The following SCRG1 variants were observed in gnomAD, a reference collection of about 807,000 sequenced individuals.
SCRG1 encodes the protein scrapie-responsive protein 1.
A neutral mutation model predicts 7.7 loss-of-function variants in SCRG1; 3 were observed. The observed-to-expected ratio is 0.39, with a 90% CI of 0.18 to 1.01. The LOEUF is 1.01. Among genes scored for constraint, SCRG1 ranks in the 50% least tolerant of loss-of-function variants. SCRG1 has a pLI of 0.36. For synonymous variants in SCRG1, 46 were observed against 41.2 expected (o/e 1.12, Z -0.44); for missense variants, 110 against 117.2 (o/e 0.94, Z 0.28).
the SCRG1 span, among the ~76,000 whole-genome samples, chr4:173,476,479 G>A: frequency 8.6e-5 from 13 of 151,612 alleles, no homozygotes; most frequent in African/African-American, 2.2e-4. Context: ...TGTGCACTGA[G>A]TAGAGACAAC....
the SCRG1 span, among the ~76,000 whole-genome samples, chr4:173,484,949 A>AATATATTATC: frequency 1.9e-5 from 1 of 54,034 alleles, no homozygotes; most frequent in African/African-American, 7.3e-5. Flanking sequence ...TATATTATAT[A>AATATATTATC]TAATATTATA....
the SCRG1 span, among the ~76,000 whole-genome samples, chr4:173,429,797 T>G: frequency 3.3e-4 from 50 of 152,272 alleles, no homozygotes; most frequent in African/African-American, 9.9e-4. Context: ...GGACTCCATA[T>G]CCAAAGGAAT....
At chr4:173,398,223 T>A (rs1383960345) in intron 1 of SCRG1, 2 of 152,152 alleles carry the variant, frequency 1.3e-5, no homozygotes, top group Admixed American at 1.3e-4. Flanking sequence ...TGCTTAAAGA[T>A]CCTTAAAACA....
chr4:173,505,526 C>T, the SCRG1 span, among the ~76,000 whole-genome samples: 26 of 152,160 alleles, frequency 1.7e-4, no homozygotes, highest in Admixed American at 1.6e-3. The surrounding 1 kb of genome is among the most constrained non-coding windows in gnomAD (Gnocchi z 4.4). Context: ...AAGCTCTGTG[C>T]TGGGATTCTG....
chr4:173,513,857 G>A, the SCRG1 span, among the ~76,000 whole-genome samples: 1 of 152,218 alleles, frequency 6.6e-6, no homozygotes, highest in Non-Finnish European at 1.5e-5. Context: ...ATGAATCACA[G>A]TGGGTGAAGA....
the SCRG1 span, among the ~76,000 whole-genome samples, chr4:173,465,142 G>A: frequency 3.8e-4 from 58 of 152,208 alleles, no homozygotes; most frequent in South Asian, 0.012. Context: ...TGTTTGGTAA[G>A]GTGAAAACAC....
chr4:173,492,398 C>T, the SCRG1 span, among the ~76,000 whole-genome samples: 1 of 152,086 alleles, frequency 6.6e-6, no homozygotes, highest in Admixed American at 6.6e-5. Context: ...ACTCATTCCC[C>T]CACCCCAAAA....
chr4:173,428,822 A>T, the SCRG1 span, among the ~76,000 whole-genome samples: 1 of 152,236 alleles, frequency 6.6e-6, no homozygotes, highest in Non-Finnish European at 1.5e-5. Context: ...TAAAATTTTG[A>T]TAGAAATAGC....
the SCRG1 span, among the ~76,000 whole-genome samples, chr4:173,479,131 CA>C: frequency 6.6e-6 from 1 of 152,164 alleles, no homozygotes; most frequent in African/African-American, 2.4e-5. Context: ...TACACCGCTC[CA>C]ATTCTGAACT....
the SCRG1 span, among the ~76,000 whole-genome samples, chr4:173,450,918 G>T: frequency 6.6e-6 from 1 of 152,036 alleles, no homozygotes; most frequent in South Asian, 2.1e-4. Context: ...AGGGATACTT[G>T]GTGTCCAAGA....
chr4:173,424,818 A>T, the SCRG1 span, among the ~76,000 whole-genome samples: 2 of 152,012 alleles, frequency 1.3e-5, no homozygotes, highest in Admixed American at 6.6e-5. Context: ...CTGAGACAGG[A>T]TAATTACTTG....
the SCRG1 span, among the ~76,000 whole-genome samples, chr4:173,444,765 TTGTTG>T: frequency 6.6e-6 from 1 of 152,210 alleles, no homozygotes; most frequent in East Asian, 1.9e-4. Flanking sequence ...TCTCTGGATC[TTGTTG>T]TGGTGGGAGC....
At chr4:173,402,214 T>C (rs1739780141), upstream of SCRG1, among the ~76,000 whole-genome samples, 2 of 152,152 alleles carry the variant, frequency 1.3e-5, no homozygotes, top group Non-Finnish European at 2.9e-5. Flanking sequence ...CCAGAAAATA[T>C]GTCCAGCTAT....
the SCRG1 span, among the ~76,000 whole-genome samples, chr4:173,517,521 G>A: frequency 3.5e-4 from 53 of 152,180 alleles, no homozygotes; most frequent in Admixed American, 1.4e-3. Context: ...GGGTTCACCG[G>A]TTCTTTCACA....
upstream of SCRG1, among the ~76,000 whole-genome samples, chr4:173,410,013 T>C (rs1460002227): frequency 1.3e-5 from 2 of 152,134 alleles, no homozygotes; most frequent in African/African-American, 2.4e-5. Context: ...CAAAACAAAC[T>C]TACCGAGTGC....
At chr4:173,517,302 T>C in the SCRG1 span, among the ~76,000 whole-genome samples, 1 of 152,270 alleles carries the variant, frequency 6.6e-6, no homozygotes, top group South Asian at 2.1e-4. Context: ...GGCATGTGGG[T>C]ACAAGAAAAA....
the SCRG1 span, among the ~76,000 whole-genome samples, chr4:173,482,456 A>G: frequency 6.6e-6 from 1 of 152,128 alleles, no homozygotes; most frequent in Non-Finnish European, 1.5e-5. Flanking sequence ...ATCTAAACAT[A>G]CTGTCTTTTT....
chr4:173,448,207 T>A, the SCRG1 span, among the ~76,000 whole-genome samples: 2 of 152,250 alleles, frequency 1.3e-5, no homozygotes, highest in Non-Finnish European at 2.9e-5. Context: ...TTTCATTTTA[T>A]TTTGCTCTGG....
At chr4:173,436,093 TG>T in the SCRG1 span, among the ~76,000 whole-genome samples, 1 of 128,950 alleles carries the variant, frequency 7.8e-6, no homozygotes, top group South Asian at 3.1e-4. Context: ...ATTAAAAGGA[TG>T]AAAAAAACTC....
Sources: allele counts gnomAD v4.1 joint callset (sites outside exome capture counted in the v4.1 genomes callset), GRCh38; gene constraint gnomAD v4.1.1; non-coding constraint Gnocchi (gnomAD v3.1); transcripts MANE v1.5; gene names NCBI Gene and HGNC (gene_info 2026-07-23, HGNC 2026-07-21).